SLC26A11: variants seen among roughly 807,000 people sequenced by gnomAD.
SLC26A11 encodes the protein sodium-independent sulfate anion transporter.
SLC26A11 carries 58 observed loss-of-function variants against 62.2 expected under a neutral mutation model. That is an observed-to-expected ratio of 0.93 (90% CI 0.76 to 1.16). SLC26A11 has a LOEUF of 1.16. Among genes scored for constraint, SLC26A11 ranks in the 50% most tolerant of loss-of-function variants. The pLI, the probability that SLC26A11 is intolerant of heterozygous loss-of-function variation, is 0.00. For missense variants in SLC26A11, 790 were observed against 794.3 expected, an observed-to-expected ratio of 0.99 and a Z score of 0.06; for synonymous variants, 411 against 368.9, an observed-to-expected ratio of 1.11 and a Z score of -1.31.
intron 6 of SLC26A11, among the ~76,000 whole-genome samples, chr17:80,227,175 T>C (rs2042435779): frequency 6.6e-6 from 1 of 152,336 alleles, no homozygotes; most frequent in Non-Finnish European, 1.5e-5. Context: ...AATACACTAA[T>C]GATAGCTGAT....
At chr17:80,235,757 A>G (rs2042674831) in intron 7 of SLC26A11, among the ~76,000 whole-genome samples, 1 of 152,220 alleles carries the variant, frequency 6.6e-6, no homozygotes, top group Non-Finnish European at 1.5e-5. Flanking sequence ...TGTATTCTAT[A>G]AATCTTCTTG....
chr17:80,221,777 G>A lies in SLC26A11; in HGVS notation c.217G>A (p.Ala73Thr). The A allele has an allele frequency of 6.2e-7, 1 of 1,611,658 alleles. No individual in the cohort carries two copies. Among genetic ancestry groups the A allele is most frequent in the South Asian group, 1.1e-5 (1 of 91,052 alleles). ...CCAGGCGCTGGCCTATGCTGAAGTG[G>A]CTGGACTCCCGCCCCAGGTGAGGCG... ...IPQALAYAEV[A>T]GLPPQYGLYS... is the part of the protein sequence containing the mutation. Residue 73 changes from alanine (A) to threonine (T), a missense_variant, in exon 3 of 18, where the codon GCT (alanine) becomes ACT (threonine). Transcript: ENST00000361193.
chr17:80,239,235 A>C (rs1245006094), intron 9 of SLC26A11, among the ~76,000 whole-genome samples: 1 of 151,664 alleles, frequency 6.6e-6, no homozygotes, highest in East Asian at 1.9e-4. Flanking sequence ...GCGCACCAAC[A>C]TGCCTGGCTA....
At chr17:80,239,049 G>A (rs1284666097) in intron 9 of SLC26A11, among the ~76,000 whole-genome samples, 1 of 150,282 alleles carries the variant, frequency 6.7e-6, no homozygotes, top group East Asian at 2.0e-4. Context: ...CTGGTCTCAA[G>A]TGATCTGCCC....
At chr17:80,221,470 C>T in intron 2 of SLC26A11, 78 bp from the exon 3 acceptor site, 1 of 1,117,078 alleles carries the variant, frequency 9.0e-7, no homozygotes, top group Non-Finnish European at 1.2e-6. Context: ...TCCTGACACC[C>T]GCCGACCCTG....
chr17:80,248,515 G>A (rs2043070535), intron 14 of SLC26A11, 60 bp from the exon 15 acceptor site: 5 of 1,505,910 alleles, frequency 3.3e-6, no homozygotes, highest in Non-Finnish European at 3.6e-6. Context: ...CTTGGGACAG[G>A]CCAAGCCTGG....
At chr17:80,238,971 A>T (rs916425407) in intron 9 of SLC26A11, among the ~76,000 whole-genome samples, 2 of 151,196 alleles carry the variant, frequency 1.3e-5, no homozygotes, top group Non-Finnish European at 3.0e-5. Flanking sequence ...GAATACAGGC[A>T]TGCGCCACCA....
chr17:80,233,188 G>T (rs899045274), intron 7 of SLC26A11, among the ~76,000 whole-genome samples: 1 of 150,148 alleles, frequency 6.7e-6, no homozygotes, highest in African/African-American at 2.4e-5. Flanking sequence ...GGCAGAGATT[G>T]CAGTGAGCCA....
chr17:80,221,546 A>C lies in SLC26A11; in HGVS notation c.-13-2A>C, dbSNP rs1457663199. The C allele has an allele frequency of 2.6e-6, 4 of 1,561,440 alleles. No homozygotes were observed. Among genetic ancestry groups the C allele is most frequent in the Non-Finnish European group, 3.5e-6 (4 of 1,156,974 alleles). On this transcript the variant is annotated splice_acceptor_variant, in intron 2 of 17. Transcript: ENST00000361193. LOFTEE classifies it low-confidence loss of function (5UTR_SPLICE). Reference sequence around the variant, plus strand: ...CTGGTCTGTGTCACCTGCACCCCCCAGCCCCACCGTAGAGATGCCTTCTTC... The same window carrying C: ...CTGGTCTGTGTCACCTGCACCCCCCCGCCCCACCGTAGAGATGCCTTCTTC...
chr17:80,241,508 C>A (rs1409661973), intron 9 of SLC26A11, among the ~76,000 whole-genome samples: 1 of 152,158 alleles, frequency 6.6e-6, no homozygotes, highest in Non-Finnish European at 1.5e-5. Context: ...GATCCTCCTG[C>A]CTTGGCCTCT....
rs749596778 is a variant in SLC26A11 at position 80,251,374 on chromosome 17, C to T, written c.1702C>T (p.Gln568Ter). The T allele has an allele frequency of 1.2e-6, 2 of 1,614,146 alleles. No homozygotes were observed. Among genetic ancestry groups the T allele is most frequent in the African/African-American group, 1.3e-5 (1 of 75,050 alleles). ...GCTGTCCGCTGACCTGAAGGGGTTC[C>T]AGTACTTCTCTACCCTGGAAGAAGC... Reference protein sequence around the residue: ...VLLSADLKGFQYFSTLEEAEK... With the variant: ...VLLSADLKGF The change falls in exon 17 of 18, where the codon CAG (glutamine) becomes TAG (stop). Residue 568 changes from glutamine (Q) to a stop codon, truncating the protein, a stop_gained. Coordinates refer to ENST00000361193, the MANE Select transcript of SLC26A11 (RefSeq NM_001166347.2). LOFTEE classifies it low-confidence loss of function (END_TRUNC).
intron 7 of SLC26A11, among the ~76,000 whole-genome samples, chr17:80,232,671 C>A (rs959590911): frequency 4.6e-5 from 7 of 152,084 alleles, no homozygotes; most frequent in African/African-American, 1.7e-4. Flanking sequence ...GAATCTTATG[C>A]CATTTATATT....
intron 7 of SLC26A11, among the ~76,000 whole-genome samples, chr17:80,233,990 T>A (rs1418834426): frequency 2.0e-5 from 3 of 152,074 alleles, no homozygotes; most frequent in Non-Finnish European, 2.9e-5. Flanking sequence ...CAGTACTTTT[T>A]AAAAAAAAGT....
At position 80,228,358 on chromosome 17, in the gene SLC26A11, C is replaced by T. The variant is rs986986587; in HGVS notation, c.736+398C>T. Among the ~76,000 whole-genome samples, 1 of 152,188 alleles carries T rather than the reference C, an allele frequency of 6.6e-6. No homozygotes were observed. Among genetic ancestry groups the T allele is most frequent in the Non-Finnish European group, 1.5e-5 (1 of 68,044 alleles). On this transcript the variant is annotated intron_variant, in intron 7 of 17. Transcript: ENST00000361193. This position sits in a 1 kb window ranked among gnomAD's most constrained non-coding sequence, Gnocchi z 4.1. Reference sequence around the variant, plus strand: ...ATGTTGACCATACTGGTCTCAAACTCCTGACCTCGAGTGATCTGCCTGCCT... The same window carrying T: ...ATGTTGACCATACTGGTCTCAAACTTCTGACCTCGAGTGATCTGCCTGCCT...
chr17:80,236,524 T>G (rs2042696380), intron 7 of SLC26A11, among the ~76,000 whole-genome samples: 1 of 152,222 alleles, frequency 6.6e-6, no homozygotes, highest in Admixed American at 6.5e-5. Context: ...CGCGTCTTAG[T>G]GGCCATCATG....
rs768375338 is a variant in SLC26A11 at position 80,249,124 on chromosome 17, G to T, written c.1523-30G>T. The T allele has an allele frequency of 1.7e-5, 27 of 1,595,992 alleles. No individual in the cohort carries two copies. In the South Asian group the frequency reaches 3.0e-4, roughly 18 times the overall value. On this transcript the variant is annotated intron_variant, in intron 15 of 17. Transcript: ENST00000361193. ...GAGCAGCTTTGGGCTGCTCTGGGTG[G>T]CGTGACCTGGCTCGGGCCTGTCTCC...
At chr17:80,244,342 C>T (rs1426585334) in intron 10 of SLC26A11, among the ~76,000 whole-genome samples, 1 of 152,220 alleles carries the variant, frequency 6.6e-6, no homozygotes, top group Non-Finnish European at 1.5e-5. Flanking sequence ...TGACCTTGGC[C>T]TCACTGTGGC....
chr17:80,225,080 G>C (rs575215012), intron 5 of SLC26A11, among the ~76,000 whole-genome samples: 4 of 152,096 alleles, frequency 2.6e-5, no homozygotes, highest in Non-Finnish European at 5.9e-5. Flanking sequence ...CTGCACTGTG[G>C]ATCCCAGCTA....
intron 5 of SLC26A11, among the ~76,000 whole-genome samples, chr17:80,224,356 TGTG>T (rs2042328297): frequency 8.3e-6 from 1 of 121,048 alleles, no homozygotes; most frequent in African/African-American, 3.5e-5. Flanking sequence ...TGGGTGTGGG[TGTG>T]AGGGAGTGTG....
Sources: gnomAD v4.1 joint callset for allele counts (sites outside exome capture counted in the v4.1 genomes callset) on GRCh38, gnomAD v4.1.1 for gene constraint, Gnocchi (gnomAD v3.1) non-coding constraint, MANE v1.5 for transcripts, NCBI Gene and HGNC (gene_info 2026-07-23, HGNC 2026-07-21) for gene names.